The following PVT1 variants were observed in gnomAD, a reference collection of about 807,000 sequenced individuals.
The protein encoded by PVT1 is Pvt1 oncogene.
intron 2 of PVT1, among the ~76,000 whole-genome samples, chr8:127,802,908 G>A (rs1435268707): frequency 1.3e-5 from 2 of 152,096 alleles, no homozygotes. Context: ...TCGCCCAGGA[G>A]GGAAGGAAGA....
chr8:128,095,652 C>G (rs11985536), intron 5 of PVT1, among the ~76,000 whole-genome samples: 2,594 of 152,278 alleles, frequency 0.017, 70 homozygotes, highest in African/African-American at 0.06. Flanking sequence ...AGACCTGTGC[C>G]CTGCCGAGCC....
At chr8:128,003,367 TTTC>T (rs1057387102) in intron 4 of PVT1, among the ~76,000 whole-genome samples, 3 of 150,428 alleles carry the variant, frequency 2.0e-5, no homozygotes, top group Non-Finnish European at 3.0e-5. Flanking sequence ...CCTTCTCCTT[TTTC>T]TTCTTCTCTT....
At chr8:127,932,050 C>T (rs1017953579) in intron 3 of PVT1, among the ~76,000 whole-genome samples, 6 of 152,228 alleles carry the variant, frequency 3.9e-5, no homozygotes, top group Non-Finnish European at 8.8e-5. Flanking sequence ...GAATTTTCTC[C>T]AGATTCCTGG....
At chr8:128,018,860 A>G (rs2081602) in intron 4 of PVT1, among the ~76,000 whole-genome samples, 97,296 of 152,070 alleles carry the variant, frequency 0.64, 31,499 homozygotes, top group East Asian at 0.71. Context: ...CGACAGTGGT[A>G]GGGAAAGGGC....
At chr8:127,886,050 T>A (rs1815519069) in intron 2 of PVT1, among the ~76,000 whole-genome samples, 1 of 151,988 alleles carries the variant, frequency 6.6e-6, no homozygotes, top group Admixed American at 6.6e-5. Flanking sequence ...TGAGCTGAGA[T>A]GGCACCATTG....
At chr8:128,023,249 C>T (rs1348956985) in intron 4 of PVT1, among the ~76,000 whole-genome samples, 1 of 152,136 alleles carries the variant, frequency 6.6e-6, no homozygotes, top group Non-Finnish European at 1.5e-5. Context: ...CAGGGCTAGT[C>T]ACTGGTTCCG....
At chr8:127,986,951 G>T (rs564198785) in intron 3 of PVT1, among the ~76,000 whole-genome samples, 8 of 152,208 alleles carry the variant, frequency 5.3e-5, no homozygotes, top group Non-Finnish European at 1.0e-4. Context: ...CTTACAAGGA[G>T]GAGGGGACAG....
chr8:127,934,609 G>C (rs1048712129), intron 3 of PVT1, among the ~76,000 whole-genome samples: 2 of 151,564 alleles, frequency 1.3e-5, no homozygotes, highest in Non-Finnish European at 2.9e-5. Context: ...CAATTTCTGG[G>C]CTGGAGATTC....
In PVT1 at chr8:127,952,680, C is replaced by T. The variant is rs115264135; in HGVS notation, n.783-36482C>T. ...AAATGTAATATGTGCCCTCATTTTC[C>T]GATGAGGCAACAGAGGCACAGTCTG... On this transcript the variant is annotated intron_variant and non_coding_transcript_variant, in intron 3 of 10. Transcript: ENST00000651587. Among the ~76,000 whole-genome samples the T allele has an allele frequency of 3.4e-3, 518 of 152,270 alleles. 6 individuals are homozygous for T. Among genetic ancestry groups the T allele is most frequent in the African/African-American group, 0.012 (479 of 41,550 alleles).
At chr8:127,905,262 C>G (rs2032001974) in intron 3 of PVT1, among the ~76,000 whole-genome samples, 1 of 151,764 alleles carries the variant, frequency 6.6e-6, no homozygotes, top group East Asian at 1.9e-4. Context: ...CTCTCCCACT[C>G]AGGAACATGG....
intron 3 of PVT1, among the ~76,000 whole-genome samples, chr8:127,933,305 C>A (rs1328792525): frequency 1.3e-5 from 2 of 152,198 alleles, no homozygotes; most frequent in East Asian, 3.8e-4. Context: ...GAACTCCCAA[C>A]CTCAGGTGAT....
At chr8:128,035,004 T>A (rs1813444228) in intron 4 of PVT1, among the ~76,000 whole-genome samples, 2 of 152,250 alleles carry the variant, frequency 1.3e-5, no homozygotes, top group South Asian at 4.1e-4. Flanking sequence ...ATTATGGCTA[T>A]TTTATTTACC....
At chr8:127,885,184 C>T (rs952745433) in intron 2 of PVT1, among the ~76,000 whole-genome samples, 1 of 151,860 alleles carries the variant, frequency 6.6e-6, no homozygotes, top group African/African-American at 2.4e-5. Flanking sequence ...TTGTAGGAGC[C>T]GAGGAGTGAG....
chr8:127,859,819 G>C (rs1318484329), intron 2 of PVT1, among the ~76,000 whole-genome samples: 1 of 151,936 alleles, frequency 6.6e-6, no homozygotes, highest in African/African-American at 2.4e-5. Flanking sequence ...CATCTAGGTC[G>C]AAGGTAGTTG....
At chr8:127,907,374 C>G (rs1815836183) in intron 3 of PVT1, among the ~76,000 whole-genome samples, 1 of 151,626 alleles carries the variant, frequency 6.6e-6, no homozygotes, top group South Asian at 2.1e-4. Flanking sequence ...ATGGACAGCC[C>G]GGGCCCTTTG....
intron 2 of PVT1, among the ~76,000 whole-genome samples, chr8:127,837,424 AGGGGAAAT>A (rs1814922654): frequency 1.3e-5 from 2 of 151,384 alleles, no homozygotes; most frequent in Admixed American, 1.3e-4. Flanking sequence ...CCGGAAATTA[AGGGGAAAT>A]TCGGAAACCT....
intron 2 of PVT1, among the ~76,000 whole-genome samples, chr8:127,817,100 C>T (rs542158165): frequency 6.8e-4 from 102 of 149,700 alleles, no homozygotes; most frequent in African/African-American, 2.3e-3. Context: ...ACAGCTAGGA[C>T]GCAGTACTGC....
intron 2 of PVT1, among the ~76,000 whole-genome samples, chr8:127,831,420 GTTAA>G (rs1814849939): frequency 6.6e-6 from 1 of 152,204 alleles, no homozygotes; most frequent in African/African-American, 2.4e-5. Context: ...GTGCAGGCAT[GTTAA>G]ATTGCAGATG....
chr8:127,878,480 C>A (rs879353863), intron 2 of PVT1, among the ~76,000 whole-genome samples: 3 of 152,178 alleles, frequency 2.0e-5, no homozygotes, highest in Non-Finnish European at 4.4e-5. Flanking sequence ...CTAGAATTCT[C>A]CCCCTAGCCT....
Sources: allele counts gnomAD v4.1 joint callset (sites outside exome capture counted in the v4.1 genomes callset), GRCh38; gene constraint gnomAD v4.1.1; transcripts MANE v1.5; gene names NCBI Gene and HGNC (gene_info 2026-07-23, HGNC 2026-07-21).